The following ASIC2 variants were observed in gnomAD, a reference collection of about 807,000 sequenced individuals.
The protein encoded by ASIC2 is acid-sensing ion channel 2.
Under a neutral mutation model 57.3 loss-of-function variants are expected in ASIC2, and 25 were observed. The ratio of observed to expected loss-of-function variants is 0.44; its 90% confidence interval spans 0.32 to 0.61. The LOEUF (loss-of-function observed/expected upper bound fraction) is 0.61. Ranked by LOEUF, ASIC2 falls within the 20% of genes least tolerant of loss-of-function variation. The pLI, the probability that ASIC2 is intolerant of heterozygous loss-of-function variation, is 0.06. For missense variants in ASIC2, 641 were observed against 738.1 expected (o/e 0.87, Z 1.52); for synonymous variants, 319 against 307.5 (o/e 1.04, Z -0.39).
chr17:33,163,883 A>G (rs1161205282), intron 1 of ASIC2, among the ~76,000 whole-genome samples: 2 of 152,174 alleles, frequency 1.3e-5, no homozygotes, highest in Non-Finnish European at 2.9e-5. Context: ...TTGAGTAAAG[A>G]TCTAAAGGGG....
At chr17:33,967,638 C>T (rs1171605637) in intron 1 of ASIC2, among the ~76,000 whole-genome samples, 1 of 152,178 alleles carries the variant, frequency 6.6e-6, no homozygotes, top group South Asian at 2.1e-4. Flanking sequence ...ATTGGAGACA[C>T]CATGAAATTC....
intron 1 of ASIC2, among the ~76,000 whole-genome samples, chr17:33,502,883 G>A (rs1914141981): frequency 6.6e-6 from 1 of 152,102 alleles, no homozygotes; most frequent in Non-Finnish European, 1.5e-5. Context: ...TTCTTTTGTA[G>A]ATCTAAAATG....
chr17:33,355,293 C>A (rs1908332711), intron 1 of ASIC2, among the ~76,000 whole-genome samples: 1 of 152,144 alleles, frequency 6.6e-6, no homozygotes, highest in Non-Finnish European at 1.5e-5. Context: ...CAAGATTGTG[C>A]CACTGCACTC....
At chr17:33,695,620 A>C (rs1908501027) in intron 1 of ASIC2, among the ~76,000 whole-genome samples, 1 of 152,216 alleles carries the variant, frequency 6.6e-6, no homozygotes, top group Non-Finnish European at 1.5e-5. Context: ...TGCTGCTTTC[A>C]CTGGACAATT....
intron 1 of ASIC2, among the ~76,000 whole-genome samples, chr17:33,918,103 T>C (rs1277147299): frequency 6.6e-6 from 1 of 152,238 alleles, no homozygotes; most frequent in Non-Finnish European, 1.5e-5. Context: ...CATGATTTCC[T>C]ACCTCCTTGA....
intron 1 of ASIC2, among the ~76,000 whole-genome samples, chr17:33,163,768 G>A (rs1422688292): frequency 6.6e-6 from 1 of 152,178 alleles, no homozygotes; most frequent in Admixed American, 6.5e-5. Context: ...ATGATGTTAA[G>A]TGCTGTGGGG....
At chr17:33,501,476 A>G (rs1597753969) in intron 1 of ASIC2, among the ~76,000 whole-genome samples, 1 of 152,366 alleles carries the variant, frequency 6.6e-6, no homozygotes, top group South Asian at 2.1e-4. Flanking sequence ...ACAGAAAGGT[A>G]AAACAACTCG....
intron 1 of ASIC2, among the ~76,000 whole-genome samples, chr17:33,323,408 G>T (rs533256423): frequency 2.0e-5 from 3 of 152,102 alleles, no homozygotes; most frequent in African/African-American, 7.2e-5. Context: ...CAAATCTAAG[G>T]TTGAGTGAAA....
At chr17:33,587,023 A>C (rs1904661753) in intron 1 of ASIC2, among the ~76,000 whole-genome samples, 1 of 152,218 alleles carries the variant, frequency 6.6e-6, no homozygotes, top group South Asian at 2.1e-4. Context: ...AATGACTTAA[A>C]CCAAAAGTTC....
intron 1 of ASIC2, among the ~76,000 whole-genome samples, chr17:33,465,606 T>C (rs1163945151): frequency 3.9e-5 from 6 of 152,066 alleles, no homozygotes; most frequent in Non-Finnish European, 8.8e-5. Context: ...ACTCCTGACC[T>C]CGGGTGATCC....
At chr17:33,280,977 T>C (rs1345963492) in intron 1 of ASIC2, among the ~76,000 whole-genome samples, 1 of 152,194 alleles carries the variant, frequency 6.6e-6, no homozygotes, top group Non-Finnish European at 1.5e-5. Context: ...AGATCAGATA[T>C]GCCATCAGAA....
At chr17:33,377,737 T>G (rs1460765154) in intron 1 of ASIC2, among the ~76,000 whole-genome samples, 3 of 152,268 alleles carry the variant, frequency 2.0e-5, no homozygotes, top group Non-Finnish European at 2.9e-5. Context: ...AGACTTTTTA[T>G]GTCTTCTCAA....
chr17:33,756,521 C>G (rs2701486), intron 1 of ASIC2, among the ~76,000 whole-genome samples: 51,633 of 152,104 alleles, frequency 0.34, 10,701 homozygotes, highest in Non-Finnish European at 0.49. Context: ...GGATCACTCT[C>G]TCCTTCCACT....
chr17:34,014,693 C>T (rs1311623258), intron 1 of ASIC2, among the ~76,000 whole-genome samples: 1 of 152,154 alleles, frequency 6.6e-6, no homozygotes, highest in East Asian at 1.9e-4. Context: ...CCTTGAGGCC[C>T]ACTTCTGAAA....
intron 1 of ASIC2, among the ~76,000 whole-genome samples, chr17:33,970,846 G>A (rs757735186): frequency 1.3e-5 from 2 of 152,172 alleles, no homozygotes; most frequent in Non-Finnish European, 2.9e-5. Context: ...TGGGGGCTGA[G>A]AAATCTTCCC....
chr17:33,016,465 G>A (rs888333177), intron 8 of ASIC2, among the ~76,000 whole-genome samples: 2 of 152,150 alleles, frequency 1.3e-5, no homozygotes, highest in Admixed American at 1.3e-4. Context: ...ACCAGGACAT[G>A]CCTGAGTTCA....
At position 33,776,798 on chromosome 17, in the gene ASIC2, T is replaced by C. The variant is rs192861328; in HGVS notation, c.555+379180A>G. 6.0e-3 allele frequency among the ~76,000 whole-genome samples: 916 copies of C among 152,340 alleles called. 9 individuals carry two copies. Among genetic ancestry groups the C allele is most frequent in the Middle Eastern group, 0.014 (4 of 294 alleles). On this transcript the variant is annotated intron_variant, in intron 1 of 9. Coordinates refer to the ASIC2 transcript ENST00000359872. ...CCTAGCTGGGCTTCGGGCTTCGTGA[T>C]AGAATTTGAGTTTTCGGATACTCTC... is the stretch of plus-strand genomic sequence containing the variant.
chr17:33,141,878 C>A (rs926045583), intron 1 of ASIC2, among the ~76,000 whole-genome samples: 2 of 152,222 alleles, frequency 1.3e-5, no homozygotes, highest in Non-Finnish European at 2.9e-5. Flanking sequence ...TTCTTAAAAA[C>A]ACCATCTGTA....
At chr17:33,476,504 CATATATATATATAT>C (rs67811038) in intron 1 of ASIC2, among the ~76,000 whole-genome samples, 3 of 122,756 alleles carry the variant, frequency 2.4e-5, no homozygotes, top group Non-Finnish European at 3.5e-5. Flanking sequence ...TGTGTGTGTG[CATATATATATATAT>C]ATATATATAT....
Sources: gnomAD v4.1 joint callset for allele counts (sites outside exome capture counted in the v4.1 genomes callset) on GRCh38, gnomAD v4.1.1 for gene constraint, MANE v1.5 for transcripts, NCBI Gene and HGNC (gene_info 2026-07-23, HGNC 2026-07-21) for gene names.